Variants in FAM13A observed in about 807,000 individuals in gnomAD.
FAM13A encodes the protein family with sequence similarity 13 member A.
FAM13A carries 76 observed loss-of-function variants against 129.6 expected under a neutral mutation model. The observed-to-expected ratio is 0.59, with a 90% CI of 0.49 to 0.71. The LOEUF (loss-of-function observed/expected upper bound fraction) is 0.71. FAM13A is among the 30% of genes least tolerant of loss of function. FAM13A has a pLI of 0.00. For synonymous variants in FAM13A, 443 were observed against 449.9 expected (o/e 0.98, Z 0.20); for missense variants, 1,108 against 1,249.3 (o/e 0.89, Z 1.70).
rs747913296 is a variant in FAM13A, at chr4:88,750,564, A to C, written c.1800T>G (p.Ala600=). 24 of 1,614,196 alleles carry C rather than the reference A, an allele frequency of 1.5e-5. No individual in the cohort carries two copies. In the South Asian group the frequency reaches 2.5e-4, roughly 17 times the overall value. ...DSDEAHLSPQ[A]GRLIRQLLDE... ...CCAGCAGCTGACGGATCAGGCGCCCAGCCTGCGGCGAGAGGTGGGCTTCAT... is the reference window on the plus strand; with the variant it reads ...CCAGCAGCTGACGGATCAGGCGCCCCGCCTGCGGCGAGAGGTGGGCTTCAT... Residue 600 remains alanine (A), a synonymous_variant, in exon 15 of 24, where the codon GCT becomes GCG. Coordinates refer to ENST00000264344, the MANE Select transcript of FAM13A (RefSeq NM_014883.4).
chr4:88,757,979 C>G (rs1316798430), intron 14 of FAM13A, among the ~76,000 whole-genome samples: 1 of 152,142 alleles, frequency 6.6e-6, no homozygotes, highest in Non-Finnish European at 1.5e-5. Context: ...GCAGCCGTCA[C>G]GCACATACTG....
chr4:88,732,154 G>A lies in FAM13A; in HGVS notation c.2691C>T (p.Asp897=). 1 of 1,613,366 alleles carries A rather than the reference G, an allele frequency of 6.2e-7. No individual in the cohort carries two copies. ...GSEDDSNVKP[D]FMVTLKTDFS... is the part of the protein sequence containing the mutation. ...AATCGGTTTTCAGAGTGACCATGAAGTCTGGCTTCACATTGCTATCGTCTT... is the reference window on the plus strand; with the variant it reads ...AATCGGTTTTCAGAGTGACCATGAAATCTGGCTTCACATTGCTATCGTCTT... Residue 897 remains aspartate, a synonymous_variant, in exon 22 of 24, where the codon GAC becomes GAT. Coordinates refer to ENST00000264344, the MANE Select transcript of FAM13A (RefSeq NM_014883.4).
intron 5 of FAM13A, among the ~76,000 whole-genome samples, chr4:88,931,665 C>G (rs1003198448): frequency 6.6e-5 from 10 of 152,160 alleles, no homozygotes; most frequent in Non-Finnish European, 1.5e-4. Flanking sequence ...ATCTGTCATG[C>G]TATTTAATCA....
intron 3 of FAM13A, among the ~76,000 whole-genome samples, chr4:88,998,948 G>A (rs1450800656): frequency 6.6e-6 from 1 of 152,086 alleles, no homozygotes; most frequent in South Asian, 2.1e-4. Context: ...TTCTCAAAGG[G>A]CAGACTGATA....
chr4:88,921,843 A>C (rs1284437052), intron 5 of FAM13A, among the ~76,000 whole-genome samples: 2 of 152,098 alleles, frequency 1.3e-5, no homozygotes, highest in African/African-American at 4.8e-5. Flanking sequence ...TCAAAATAAA[A>C]GGATGGAGGA....
chr4:88,840,483 G>A (rs1017071924), intron 7 of FAM13A, among the ~76,000 whole-genome samples: 2 of 152,068 alleles, frequency 1.3e-5, no homozygotes, highest in African/African-American at 4.8e-5. Flanking sequence ...TATAAAGGAT[G>A]GAGGTAGCCT....
At position 88,727,384 on chromosome 4, in the gene FAM13A, CAA is replaced by C. The variant is rs1217894030; in HGVS notation, c.*1147_*1148del. On this transcript the variant is annotated 3_prime_UTR_variant, in exon 24 of 24. Coordinates refer to ENST00000264344, the MANE Select transcript of FAM13A (RefSeq NM_014883.4). ...ATGTCTAATATAGACAGTTTTGTGA[CAA>C]AGTCTTTGAAAAAAATTATAATTGG... 2 of 152,698 alleles carry C rather than the reference CAA, an allele frequency of 1.3e-5. No homozygotes were observed. The highest frequency in any genetic ancestry group is 2.4e-5 in the African/African-American group (1 of 41,544). 9.5% of individuals were successfully genotyped at this position (152,698 alleles called of 1,614,324 possible). A position where few individuals can be genotyped will look rare whatever the true frequency, so the allele number is the denominator to read the frequency against.
chr4:88,986,593 T>C (rs13140481), intron 4 of FAM13A, among the ~76,000 whole-genome samples: 19,251 of 152,320 alleles, frequency 0.13, 1,600 homozygotes, highest in Middle Eastern at 0.26. Context: ...TTTGAATGCA[T>C]TCTCTTAGCC....
intron 5 of FAM13A, among the ~76,000 whole-genome samples, chr4:88,917,384 C>G (rs1225833801): frequency 6.6e-6 from 1 of 151,974 alleles, no homozygotes; most frequent in African/African-American, 2.4e-5. Context: ...GAATCCACCC[C>G]CATGACCCAA....
chr4:88,817,490 GA>G (rs1220307915), intron 7 of FAM13A, among the ~76,000 whole-genome samples: 1 of 151,850 alleles, frequency 6.6e-6, no homozygotes, highest in East Asian at 1.9e-4. Context: ...TTGAACCCAG[GA>G]GGCAGAGGTT....
At chr4:88,964,872 T>C (rs2148928414) in intron 4 of FAM13A, among the ~76,000 whole-genome samples, 1 of 152,176 alleles carries the variant, frequency 6.6e-6, no homozygotes, top group African/African-American at 2.4e-5. Context: ...AAGTGATTCG[T>C]CCGCCTCGGC....
chr4:88,822,286 T>G (rs922090407), intron 7 of FAM13A, among the ~76,000 whole-genome samples: 1 of 152,188 alleles, frequency 6.6e-6, no homozygotes, highest in African/African-American at 2.4e-5. Context: ...CACAACAGTG[T>G]TCTTTTTCAT....
chr4:88,764,812 CTT>C (rs1478067572), intron 13 of FAM13A, among the ~76,000 whole-genome samples: 1 of 152,120 alleles, frequency 6.6e-6, no homozygotes. Flanking sequence ...CAAAGTGACT[CTT>C]GACTTTTTTT....
Position 88,781,354 on chromosome 4 carries a change from T to C in FAM13A, c.1272-3A>G, listed in dbSNP as rs1352003313. The C allele has an allele frequency of 2.5e-6, 4 of 1,581,186 alleles. No homozygotes were observed. The highest frequency in any genetic ancestry group is 2.6e-6 in the Non-Finnish European group (3 of 1,164,238). On this transcript the variant is annotated splice_region_variant and splice_polypyrimidine_tract_variant and intron_variant, in intron 10 of 23. Coordinates refer to ENST00000264344, the MANE Select transcript of FAM13A (RefSeq NM_014883.4). The stretch of plus-strand genomic sequence containing the variant: ...TATTTTCTTTGTTGATAAGTCCCCT[T>C]GAATTGAGAAAAAAGCTTAATTTTA...
chr4:89,010,831 C>T (rs1024008620), intron 3 of FAM13A, among the ~76,000 whole-genome samples: 1 of 152,020 alleles, frequency 6.6e-6, no homozygotes, highest in Non-Finnish European at 1.5e-5. Flanking sequence ...AAACCTCTGA[C>T]TTTTCTTACC....
At chr4:88,973,522 C>T (rs980238514) in intron 4 of FAM13A, among the ~76,000 whole-genome samples, 1 of 152,136 alleles carries the variant, frequency 6.6e-6, no homozygotes, top group Admixed American at 6.5e-5. Flanking sequence ...GAATTTCCAT[C>T]TCTCTGCTTA....
chr4:88,935,032 G>T (rs1394642458), intron 5 of FAM13A, among the ~76,000 whole-genome samples: 1 of 152,184 alleles, frequency 6.6e-6, no homozygotes, highest in Non-Finnish European at 1.5e-5. Context: ...TGAAGGGGAA[G>T]TCATACTGAC....
intron 13 of FAM13A, chr4:88,759,380 G>A (rs115012614): frequency 1.6e-4 from 25 of 154,840 alleles, no homozygotes; most frequent in African/African-American, 5.8e-4. Flanking sequence ...CTCCCCTGCC[G>A]GCCCTGGCTG....
intron 13 of FAM13A, among the ~76,000 whole-genome samples, chr4:88,764,157 C>T (rs1745316952): frequency 6.6e-6 from 1 of 151,900 alleles, no homozygotes; most frequent in African/African-American, 2.4e-5. Context: ...CTTCTCTTTT[C>T]CTTTTTTTTG....
Sources: allele counts gnomAD v4.1 joint callset (sites outside exome capture counted in the v4.1 genomes callset), GRCh38; gene constraint gnomAD v4.1.1; transcripts MANE v1.5; gene names NCBI Gene and HGNC (gene_info 2026-07-23, HGNC 2026-07-21).